PARD3B: variants seen among roughly 807,000 people sequenced by gnomAD.
PARD3B encodes par-3 family cell polarity regulator beta.
A neutral mutation model predicts 130.2 loss-of-function variants in PARD3B; 103 were observed. The observed-to-expected ratio is 0.79, with a 90% confidence interval of 0.67 to 0.93. The LOEUF (loss-of-function observed/expected upper bound fraction) is 0.93, where lower values mean the gene tolerates loss of function less well. PARD3B is among the 40% of genes least tolerant of loss of function. The probability of loss-of-function intolerance (pLI) is 0.00; values close to 1 mark genes in which losing one functional copy is unlikely to be tolerated. For synonymous variants in PARD3B, 583 were observed against 553.2 expected (o/e 1.05, Z -0.76); for missense variants, 1,609 against 1,499.2 (o/e 1.07, Z -1.21).
intron 10 of PARD3B, among the ~76,000 whole-genome samples, chr2:205,154,062 A>C (rs1410057910): frequency 6.6e-6 from 1 of 152,222 alleles, no homozygotes; most frequent in Non-Finnish European, 1.5e-5. Flanking sequence ...TAATTAAACT[A>C]AAGAGCTTCT....
intron 2 of PARD3B, among the ~76,000 whole-genome samples, chr2:204,745,334 C>A (rs919223314): frequency 6.6e-6 from 1 of 152,084 alleles, no homozygotes; most frequent in African/African-American, 2.4e-5. Context: ...CTATTCTCTG[C>A]CAAACAGTGT....
chr2:205,191,256 C>G (rs547513207), intron 14 of PARD3B, among the ~76,000 whole-genome samples: 90 of 152,130 alleles, frequency 5.9e-4, no homozygotes, highest in Non-Finnish European at 1.2e-3. Flanking sequence ...CAAGCTCTTA[C>G]TGTGTGCTAG....
chr2:204,552,120 T>G (rs1160369050), intron 1 of PARD3B, among the ~76,000 whole-genome samples: 1 of 152,240 alleles, frequency 6.6e-6, no homozygotes, highest in Admixed American at 6.5e-5. Flanking sequence ...TGATGGGTTC[T>G]GTCAGCTGCT....
rs1414020036 is a variant in PARD3B at position 204,991,259 on chromosome 2, A to ATAT, written c.394+25938_394+25940dup. On this transcript the variant is annotated intron_variant, in intron 3 of 22. Coordinates refer to ENST00000406610, the MANE Select transcript of PARD3B (RefSeq NM_001302769.2). ...AACCCACCACAGTCCCCAGAGTGTGATATTCCCCTTCCTGTGTCCATGTGA... is the reference window on the plus strand; with the variant it reads ...AACCCACCACAGTCCCCAGAGTGTGATATTATTCCCCTTCCTGTGTCCATGTGA... Among the ~76,000 whole-genome samples the ATAT allele has an allele frequency of 3.8e-5, 5 of 130,274 alleles. No individual in the cohort carries two copies. In the East Asian group the frequency reaches 1.2e-3, roughly 33 times the overall value. 85.5% of individuals were successfully genotyped at this position (130,274 alleles called of 152,430 possible).
chr2:205,414,758 A>T (rs1225550012), intron 19 of PARD3B, among the ~76,000 whole-genome samples: 1 of 152,118 alleles, frequency 6.6e-6, no homozygotes, highest in Non-Finnish European at 1.5e-5. Context: ...ATATTTGTTC[A>T]ATAATCCTAA....
intron 2 of PARD3B, among the ~76,000 whole-genome samples, chr2:204,820,011 C>G (rs895888817): frequency 6.7e-6 from 1 of 149,214 alleles, no homozygotes; most frequent in Non-Finnish European, 1.5e-5. Flanking sequence ...GAAGCTGCAG[C>G]AAGTTGTCTG....
intron 21 of PARD3B, among the ~76,000 whole-genome samples, chr2:205,512,386 G>A (rs183094368): frequency 8.3e-4 from 126 of 152,210 alleles, no homozygotes; most frequent in African/African-American, 3.0e-3. Flanking sequence ...CTGAGAAATA[G>A]TCTCTTTTCT....
Position 205,300,615 on chromosome 2 carries a change from C to A in PARD3B, c.2271C>A (p.Val757=), listed in dbSNP as rs1415691283. Reference sequence around the variant, plus strand: ...GTCTGCAGACTGCAGTGGCCGAGGTCAGGAAGAATGACCTTCCCTTTCACA... The same window carrying A: ...GTCTGCAGACTGCAGTGGCCGAGGTAAGGAAGAATGACCTTCCCTTTCACA... ...LESLQTAVAE[V]RKNDLPFHRP... is the part of the protein sequence containing the mutation. The change falls in exon 17 of 23, where the codon GTC becomes GTA. Residue 757 remains valine (V), a synonymous_variant. Transcript: ENST00000406610. The surrounding 1 kb of genome is among the most constrained non-coding windows in gnomAD (Gnocchi z 4.1). 1.9e-6 allele frequency: 3 copies of A among 1,613,920 alleles called. No individual in the cohort carries two copies.
chr2:204,564,956 C>T (rs2031579615), intron 1 of PARD3B, among the ~76,000 whole-genome samples: 2 of 152,238 alleles, frequency 1.3e-5, no homozygotes, highest in Admixed American at 6.5e-5. Context: ...CTGCACACAG[C>T]TTAGCTGGGT....
At chr2:204,557,734 A>G (rs2125050975) in intron 1 of PARD3B, among the ~76,000 whole-genome samples, 1 of 152,324 alleles carries the variant, frequency 6.6e-6, no homozygotes, top group South Asian at 2.1e-4. Context: ...TATCATCTCC[A>G]CATTTGCTGT....
chr2:204,719,211 T>C (rs2038882272), intron 2 of PARD3B, among the ~76,000 whole-genome samples: 1 of 152,220 alleles, frequency 6.6e-6, no homozygotes, highest in Non-Finnish European at 1.5e-5. Flanking sequence ...TGGATTACTT[T>C]AATGGAAAGT....
intron 18 of PARD3B, among the ~76,000 whole-genome samples, chr2:205,388,739 C>G (rs1574890849): frequency 6.6e-6 from 1 of 152,068 alleles, no homozygotes; most frequent in Admixed American, 6.6e-5. Flanking sequence ...GTTCAGGCCC[C>G]TCTGGATAAA....
intron 16 of PARD3B, among the ~76,000 whole-genome samples, chr2:205,249,940 A>G (rs763176530): frequency 2.6e-5 from 3 of 117,254 alleles, no homozygotes; most frequent in Non-Finnish European, 3.9e-5. Context: ...ATGCCTGGAG[A>G]AAAAAAAAAA....
At chr2:204,919,249 A>T (rs575900339) in intron 2 of PARD3B, among the ~76,000 whole-genome samples, 10 of 152,328 alleles carry the variant, frequency 6.6e-5, no homozygotes, top group African/African-American at 2.2e-4. Context: ...TTATTTAAAG[A>T]TCTTTATAAA....
intron 19 of PARD3B, among the ~76,000 whole-genome samples, chr2:205,432,889 G>A (rs1412222533): frequency 6.6e-6 from 1 of 151,956 alleles, no homozygotes; most frequent in Non-Finnish European, 1.5e-5. Context: ...CAATTTGTAG[G>A]CCAGCCTTTG....
At chr2:204,548,663 TA>T (rs2030203389) in intron 1 of PARD3B, among the ~76,000 whole-genome samples, 1 of 152,194 alleles carries the variant, frequency 6.6e-6, no homozygotes, top group African/African-American at 2.4e-5. Flanking sequence ...CACATCAACC[TA>T]AAAATAGCAA....
In PARD3B at chr2:204,937,065, A is replaced by G. The variant is rs374258854; in HGVS notation, c.223-28087A>G. ...GACACACAGTGCTTGAGTAACTTGT[A>G]CAAGGTCACATGAACAAGAGCTCTT... On this transcript the variant is annotated intron_variant, in intron 2 of 22. Transcript: ENST00000406610. Among the ~76,000 whole-genome samples the G allele has an allele frequency of 1.7e-4, 26 of 152,370 alleles. No homozygotes were observed. The South Asian group carries it at 5.2e-3, about 30-fold the overall frequency.
chr2:204,874,376 A>G (rs960936769), intron 2 of PARD3B, among the ~76,000 whole-genome samples: 1 of 152,194 alleles, frequency 6.6e-6, no homozygotes, highest in Non-Finnish European at 1.5e-5. Flanking sequence ...ATTTTAGGAA[A>G]AGTACTAAAT....
intron 15 of PARD3B, among the ~76,000 whole-genome samples, chr2:205,196,388 C>G (rs559881286): frequency 6.6e-6 from 1 of 151,924 alleles, no homozygotes; most frequent in African/African-American, 2.4e-5. Flanking sequence ...TTATTTATAG[C>G]CTTTGCCACG....
Sources: gnomAD v4.1 joint callset for allele counts (sites outside exome capture counted in the v4.1 genomes callset) on GRCh38, gnomAD v4.1.1 for gene constraint, Gnocchi (gnomAD v3.1) non-coding constraint, MANE v1.5 for transcripts, NCBI Gene and HGNC (gene_info 2026-07-23, HGNC 2026-07-21) for gene names.